Variants in XYLT1 observed in about 807,000 individuals in gnomAD.
The protein encoded by XYLT1 is xylosyltransferase 1, also known as beta-D-xylosyltransferase 1.
In XYLT1, 36 loss-of-function variants were observed where a neutral mutation model predicts 91.3. The ratio of observed to expected loss-of-function variants is 0.39; its 90% CI spans 0.30 to 0.52. XYLT1 has a LOEUF of 0.52. Among genes scored for constraint, XYLT1 ranks in the 20% least tolerant of loss-of-function variants. XYLT1 has a pLI of 0.68. For missense variants in XYLT1, 1,242 were observed against 1,284.5 expected, an observed-to-expected ratio of 0.97 and a Z score of 0.51; for synonymous variants, 588 against 532.0, an observed-to-expected ratio of 1.11 and a Z score of -1.45.
At chr16:17,113,041 G>A (rs1250676115) in intron 11 of XYLT1, among the ~76,000 whole-genome samples, 3 of 151,630 alleles carry the variant, frequency 2.0e-5, no homozygotes, top group Non-Finnish European at 4.4e-5. Context: ...GTTTCTCCAC[G>A]TTGGTCAGGC....
chr16:17,259,509 G>C lies in XYLT1; in HGVS notation c.403-11C>G, dbSNP rs1298106036. On this transcript the variant is annotated splice_polypyrimidine_tract_variant and intron_variant, in intron 2 of 11. Coordinates refer to ENST00000261381, the MANE Select transcript of XYLT1 (RefSeq NM_022166.4). ...AGAAAAGTAGCCATCCTGGAGAAGA[G>C]GGGAGAGAAACAGAAGAGAAACTTG... 3.7e-6 allele frequency: 6 copies of C among 1,600,296 alleles called. No individual in the cohort carries two copies. Among genetic ancestry groups the C allele is most frequent in the Non-Finnish European group, 5.1e-6 (6 of 1,175,278 alleles).
intron 3 of XYLT1, among the ~76,000 whole-genome samples, chr16:17,258,056 C>G (rs1330660266): frequency 6.6e-6 from 1 of 152,006 alleles, no homozygotes; most frequent in Non-Finnish European, 1.5e-5. Flanking sequence ...CCCTCCGTGT[C>G]TCAGCAAGAG....
chr16:17,321,733 C>T (rs898406803), intron 2 of XYLT1, among the ~76,000 whole-genome samples: 9 of 152,058 alleles, frequency 5.9e-5, no homozygotes, highest in African/African-American at 2.2e-4. Context: ...ATGGCAATGT[C>T]CATAGACATT....
chr16:17,197,770 C>A (rs1246171737), intron 5 of XYLT1, among the ~76,000 whole-genome samples: 1 of 152,182 alleles, frequency 6.6e-6, no homozygotes, highest in Non-Finnish European at 1.5e-5. Flanking sequence ...GCACTGTGGG[C>A]TTCCCTACTT....
intron 1 of XYLT1, among the ~76,000 whole-genome samples, chr16:17,438,152 G>C (rs1487525801): frequency 1.3e-5 from 2 of 152,130 alleles, no homozygotes; most frequent in African/African-American, 4.8e-5. Context: ...ATTTAAAAAG[G>C]TCTGCAATTC....
At chr16:17,394,346 T>G (rs1417309323) in intron 1 of XYLT1, among the ~76,000 whole-genome samples, 1 of 152,152 alleles carries the variant, frequency 6.6e-6, no homozygotes, top group African/African-American at 2.4e-5. Flanking sequence ...AGATTTCTAC[T>G]CTGCCTTCAT....
At chr16:17,140,028 T>C (rs567394028) in intron 7 of XYLT1, among the ~76,000 whole-genome samples, 14 of 152,214 alleles carry the variant, frequency 9.2e-5, no homozygotes, top group Admixed American at 3.9e-4. Flanking sequence ...ATAGACTCAA[T>C]AGAAACGGAA....
intron 2 of XYLT1, among the ~76,000 whole-genome samples, chr16:17,267,451 A>G (rs1354438580): frequency 6.6e-6 from 1 of 152,264 alleles, no homozygotes; most frequent in African/African-American, 2.4e-5. Context: ...TCTGTCGCCC[A>G]GGCTGGAGTG....
At chr16:17,384,732 T>C (rs920438656) in intron 1 of XYLT1, among the ~76,000 whole-genome samples, 1 of 151,768 alleles carries the variant, frequency 6.6e-6, no homozygotes, top group Non-Finnish European at 1.5e-5. Flanking sequence ...TGGCCAGAAA[T>C]AGGCTGTTTT....
intron 1 of XYLT1, among the ~76,000 whole-genome samples, chr16:17,424,636 G>A (rs757748316): frequency 6.6e-6 from 1 of 152,082 alleles, no homozygotes; most frequent in Non-Finnish European, 1.5e-5. Flanking sequence ...TTGGGAGGCC[G>A]AGGCAGGCGG....
At chr16:17,370,958 G>A (rs2035524348) in intron 1 of XYLT1, among the ~76,000 whole-genome samples, 1 of 152,174 alleles carries the variant, frequency 6.6e-6, no homozygotes, top group African/African-American at 2.4e-5. Flanking sequence ...GGCTGCCAGT[G>A]TGGCTGCTGT....
chr16:17,219,795 G>A (rs536950598), intron 3 of XYLT1, among the ~76,000 whole-genome samples: 11 of 152,200 alleles, frequency 7.2e-5, no homozygotes, highest in African/African-American at 2.4e-4. Flanking sequence ...TTGGGAGGCC[G>A]AGGCGGGTGG....
At chr16:17,456,332 CTTTTTT>C (rs869026409) in intron 1 of XYLT1, among the ~76,000 whole-genome samples, 3 of 114,152 alleles carry the variant, frequency 2.6e-5, no homozygotes, top group East Asian at 4.5e-4. Context: ...CAGTACAAAC[CTTTTTT>C]TTTTTTTTTT....
At chr16:17,335,694 C>CAAAA (rs34629667) in intron 2 of XYLT1, among the ~76,000 whole-genome samples, 2 of 125,480 alleles carry the variant, frequency 1.6e-5, no homozygotes, top group Admixed American at 8.0e-5. Context: ...AACTCCATCT[C>CAAAA]AAAAAAAAAA....
At chr16:17,331,146 C>T (rs1369099826) in intron 2 of XYLT1, among the ~76,000 whole-genome samples, 1 of 152,206 alleles carries the variant, frequency 6.6e-6, no homozygotes, top group Non-Finnish European at 1.5e-5. Flanking sequence ...CAGGCGAGGC[C>T]GCCTCTAAAG....
At chr16:17,255,645 C>G (rs10500397) in intron 3 of XYLT1, among the ~76,000 whole-genome samples, 2,952 of 152,262 alleles carry the variant, frequency 0.019, 99 homozygotes, top group Admixed American at 0.1. Context: ...GGAACCACCT[C>G]GACCACTTAG....
At chr16:17,136,069 C>T (rs2030707092) in intron 8 of XYLT1, among the ~76,000 whole-genome samples, 1 of 152,184 alleles carries the variant, frequency 6.6e-6, no homozygotes, top group Non-Finnish European at 1.5e-5. Context: ...GCACTGTTTT[C>T]ATGGTGGTAG....
At chr16:17,267,434 G>C (rs1276382943) in intron 2 of XYLT1, among the ~76,000 whole-genome samples, 2 of 152,238 alleles carry the variant, frequency 1.3e-5, no homozygotes, top group Admixed American at 1.3e-4. Context: ...TTGAGACGGA[G>C]TCTCGCTCTG....
intron 3 of XYLT1, among the ~76,000 whole-genome samples, chr16:17,212,030 A>T (rs1490540329): frequency 6.6e-6 from 1 of 152,208 alleles, no homozygotes; most frequent in African/African-American, 2.4e-5. Context: ...TAGGGCGTGG[A>T]GAGGCAAAAT....
Sources: gnomAD v4.1 joint callset for allele counts (sites outside exome capture counted in the v4.1 genomes callset) on GRCh38, gnomAD v4.1.1 for gene constraint, MANE v1.5 for transcripts, NCBI Gene and HGNC (gene_info 2026-07-23, HGNC 2026-07-21) for gene names.